CARD6: variants seen among roughly 807,000 people sequenced by gnomAD.
CARD6 encodes caspase recruitment domain-containing protein 6.
In CARD6, 27 loss-of-function variants were observed where a neutral mutation model predicts 23.6. That is an observed-to-expected ratio of 1.14 (90% CI 0.84 to 1.58). The LOEUF is 1.58. Among genes scored for constraint, CARD6 ranks in the 40% most tolerant of loss-of-function variants. The probability of loss-of-function intolerance (pLI) is 0.00; values close to 1 mark genes in which losing one functional copy is unlikely to be tolerated. For synonymous variants in CARD6, 397 were observed against 431.8 expected, an observed-to-expected ratio of 0.92 and a Z score of 1.00; for missense variants, 1,214 against 1,209.9, an observed-to-expected ratio of 1.00 and a Z score of -0.05.
At chr5:40,851,329 TA>T (rs771384945) in intron 2 of CARD6, among the ~76,000 whole-genome samples, 198 of 142,788 alleles carry the variant, frequency 1.4e-3, no homozygotes, top group Middle Eastern at 3.7e-3. Context: ...AGACTCCATC[TA>T]AAAAAAAAAA....
rs146597032 is a variant in CARD6, at chr5:40,853,837, G to C, written c.2505G>C (p.Met835Ile). 6.2e-7 allele frequency: 1 copy of C among 1,614,188 alleles called. No homozygotes were observed. Among genetic ancestry groups the C allele is most frequent in the Non-Finnish European group, 8.5e-7 (1 of 1,180,038 alleles). ...AGGCCTGCCCTGAGAGACCACAAAT[G>C]ATGGGAACTCTTGAAAGGTCTAGGG... ...HVQACPERPQ[M>I]MGTLERSRAV... The change falls in exon 3 of 3, where the codon ATG becomes ATC. Residue 835 changes from methionine to isoleucine, a missense_variant. Transcript: ENST00000254691.
intron 2 of CARD6, among the ~76,000 whole-genome samples, chr5:40,845,378 A>G (rs2112169459): frequency 6.6e-6 from 1 of 152,320 alleles, no homozygotes; most frequent in South Asian, 2.1e-4. Flanking sequence ...TAACATTATT[A>G]AAACTAATTA....
Position 40,853,342 on chromosome 5 carries a change from C to T in CARD6, c.2010C>T (p.Ser670=), listed in dbSNP as rs1746114093. The change falls in exon 3 of 3, where the codon TCC becomes TCT. Residue 670 remains serine (S), a synonymous_variant. Coordinates refer to ENST00000254691, the MANE Select transcript of CARD6 (RefSeq NM_032587.4). ...AAAACACTCAGAGAATTCAAGTTTC[C>T]TCTGGAGAAAACATGGCTGGGACAG... The part of the protein sequence containing the change: ...DFENTQRIQV[S]SGENMAGTAE... The T allele has an allele frequency of 6.2e-7, 1 of 1,614,142 alleles. No homozygotes were observed. The highest frequency in any genetic ancestry group is 8.5e-7 in the Non-Finnish European group (1 of 1,180,002).
At position 40,850,986 on chromosome 5, in the gene CARD6, A is replaced by G. The variant is rs1020767840; in HGVS notation, c.842-1188A>G. The stretch of plus-strand genomic sequence containing the variant: ...GAAATAATTTGCAAGGAATACCACT[A>G]AGTGAAAAGAAGCTGAAGAATCATT... On this transcript the variant is annotated intron_variant, in intron 2 of 2. Coordinates refer to ENST00000254691, the MANE Select transcript of CARD6 (RefSeq NM_032587.4). 3.9e-5 allele frequency among the ~76,000 whole-genome samples: 6 copies of G among 152,256 alleles called. No individual in the cohort carries two copies. In the East Asian group the frequency reaches 9.7e-4, roughly 25 times the overall value.
intron 2 of CARD6, among the ~76,000 whole-genome samples, chr5:40,850,430 A>AAAAAAAAG (rs1746044332): frequency 6.8e-6 from 1 of 146,810 alleles, no homozygotes; most frequent in Non-Finnish European, 1.5e-5. Flanking sequence ...AAAAAAAAAA[A>AAAAAAAAG]AAAGCCAGGC....
intron 2 of CARD6, among the ~76,000 whole-genome samples, chr5:40,846,246 CAG>C (rs1745965072): frequency 6.6e-6 from 1 of 152,000 alleles, no homozygotes; most frequent in South Asian, 2.1e-4. Context: ...CTCTTGACCT[CAG>C]GTGATCCACC....
At position 40,854,520 on chromosome 5, in the gene CARD6, T is replaced by G. The variant is rs1746155875; in HGVS notation, c.*74T>G. ...CCTATCATATAGTAAGCAGAAGAGTTGCCATGAAAGTAAAAGACTACTGTC... is the reference window on the plus strand; with the variant it reads ...CCTATCATATAGTAAGCAGAAGAGTGGCCATGAAAGTAAAAGACTACTGTC... On this transcript the variant is annotated 3_prime_UTR_variant, in exon 3 of 3. Coordinates refer to ENST00000254691, the MANE Select transcript of CARD6 (RefSeq NM_032587.4). 18 of 1,232,992 alleles carry G rather than the reference T, an allele frequency of 1.5e-5. No homozygotes were observed. The highest frequency in any genetic ancestry group is 2.1e-5 in the Non-Finnish European group (18 of 868,016). 76.4% of individuals were successfully genotyped at this position (1,232,992 alleles called of 1,614,324 possible). A position where few individuals can be genotyped will look rare whatever the true frequency, so the allele number is the denominator to read the frequency against.
At chr5:40,852,087 A>G in intron 2 of CARD6, 87 bp from the exon 3 acceptor site, 1 of 781,400 alleles carries the variant, frequency 1.3e-6, no homozygotes, top group East Asian at 2.6e-5. Flanking sequence ...AGCCTAGGTG[A>G]TGGAGTGAGA....
chr5:40,843,446 A>G lies in CARD6; in HGVS notation c.578A>G (p.Tyr193Cys). The stretch of plus-strand genomic sequence containing the variant: ...TGTGAAGTTCCAGCAACTATTACAT[A>G]TATAAAAGATGGACAGAGATATGAG... ...VGCEVPATIT[Y>C]IKDGQRYEEL... The change falls in exon 2 of 3, where the codon TAT (tyrosine) becomes TGT (cysteine). Residue 193 changes from tyrosine to cysteine, a missense_variant. Tyr to Cys is a radical substitution (Grantham distance 194). Coordinates refer to ENST00000254691, the MANE Select transcript of CARD6 (RefSeq NM_032587.4). 1 of 1,613,776 alleles carries G rather than the reference A, an allele frequency of 6.2e-7. No individual in the cohort carries two copies. The highest frequency in any genetic ancestry group is 1.1e-5 in the South Asian group (1 of 90,982).
rs1278053443 is a variant in CARD6 at position 40,852,274 on chromosome 5, A to T, written c.942A>T (p.Gly314=). 6.2e-7 allele frequency: 1 copy of T among 1,614,030 alleles called. No individual in the cohort carries two copies. The highest frequency in any genetic ancestry group is 8.5e-7 in the Non-Finnish European group (1 of 1,180,000). The change falls in exon 3 of 3, where the codon GGA becomes GGT. Residue 314 remains glycine (G), a synonymous_variant. Coordinates refer to ENST00000254691, the MANE Select transcript of CARD6 (RefSeq NM_032587.4). Reference sequence around the variant, plus strand: ...TTAAACAATTCTCCTTAGATCGAGGATGTAAGTGGACCCCTGAGAGTCCAG... The same window carrying T: ...TTAAACAATTCTCCTTAGATCGAGGTTGTAAGTGGACCCCTGAGAGTCCAG... The part of the protein sequence containing the change: ...DFVKQFSLDR[G]CKWTPESPGD...
chr5:40,845,841 T>C (rs1265763540), intron 2 of CARD6, among the ~76,000 whole-genome samples: 1 of 151,572 alleles, frequency 6.6e-6, no homozygotes, highest in Non-Finnish European at 1.5e-5. Context: ...ATCTGAAAAT[T>C]CAGTCACTTC....
rs773153473 is a variant in CARD6 at position 40,846,016 on chromosome 5, CT to C, written c.841+2321del. Among the ~76,000 whole-genome samples, 783 of 139,784 alleles carry C rather than the reference CT, an allele frequency of 5.6e-3. 5 individuals carry two copies. Among genetic ancestry groups the C allele is most frequent in the Middle Eastern group, 0.015 (4 of 270 alleles). 91.7% of individuals were successfully genotyped at this position (139,784 alleles called of 152,430 possible). A position where few individuals can be genotyped will look rare whatever the true frequency, so the allele number is the denominator to read the frequency against. On this transcript the variant is annotated intron_variant, in intron 2 of 2. Coordinates refer to ENST00000254691, the MANE Select transcript of CARD6 (RefSeq NM_032587.4). ...GTTTTCAGAATAGATGCAGTATATT[CT>C]TTTTTTTTTTTTTGAGATGGAGGCT...
At chr5:40,850,424 A>AAAAAAAAAC (rs1746043942) in intron 2 of CARD6, among the ~76,000 whole-genome samples, 1 of 145,882 alleles carries the variant, frequency 6.9e-6, no homozygotes, top group Non-Finnish European at 1.5e-5. Flanking sequence ...AAAAAAAAAA[A>AAAAAAAAAC]AAAAAAAAAG....
chr5:40,853,546 T>C lies in CARD6; in HGVS notation c.2214T>C (p.Ile738=). The C allele has an allele frequency of 6.2e-7, 1 of 1,614,204 alleles. No individual in the cohort carries two copies. The highest frequency in any genetic ancestry group is 1.1e-5 in the South Asian group (1 of 91,080). Reference sequence around the variant, plus strand: ...ACTCCTGGCTCTTTCCAACCAGAATTGGAGGTAACTTTAACCATGTTTCCT... The same window carrying C: ...ACTCCTGGCTCTTTCCAACCAGAATCGGAGGTAACTTTAACCATGTTTCCT... ...LENSWLFPTR[I]GGNFNHVSLK... The change falls in exon 3 of 3, where the codon ATT becomes ATC. Residue 738 remains isoleucine (I), a synonymous_variant. Transcript: ENST00000254691.
At chr5:40,848,417 T>C (rs995902284) in intron 2 of CARD6, among the ~76,000 whole-genome samples, 4 of 152,078 alleles carry the variant, frequency 2.6e-5, no homozygotes, top group Non-Finnish European at 5.9e-5. Flanking sequence ...GTTTTCACGA[T>C]GTTGCCCAGG....
Position 40,853,534 on chromosome 5 carries a change from T to C in CARD6, c.2202T>C (p.Phe734=), listed in dbSNP as rs1356649906. Residue 734 remains phenylalanine (F), a synonymous_variant, in exon 3 of 3, where the codon TTT becomes TTC. Coordinates refer to ENST00000254691, the MANE Select transcript of CARD6 (RefSeq NM_032587.4). ...FRPVLENSWL[F]PTRIGGNFNH... ...CTGTTCTAGAGAACTCCTGGCTCTT[T>C]CCAACCAGAATTGGAGGTAACTTTA... 1.9e-6 allele frequency: 3 copies of C among 1,614,224 alleles called. No individual in the cohort carries two copies. Among genetic ancestry groups the C allele is most frequent in the East Asian group, 2.2e-5 (1 of 44,886 alleles).
At chr5:40,851,460 A>C (rs908197897) in intron 2 of CARD6, among the ~76,000 whole-genome samples, 3 of 152,184 alleles carry the variant, frequency 2.0e-5, no homozygotes, top group African/African-American at 7.2e-5. Flanking sequence ...CTAAAAACGA[A>C]GCTGACTTGC....
intron 2 of CARD6, among the ~76,000 whole-genome samples, chr5:40,846,067 C>CAGT: frequency 6.6e-6 from 1 of 151,008 alleles, no homozygotes; most frequent in Middle Eastern, 3.4e-3. Flanking sequence ...GGCTGGAGTG[C>CAGT]AGTGGCATGA....
In CARD6 at chr5:40,852,612, T is replaced by C. The variant is rs151076474; in HGVS notation, c.1280T>C (p.Ile427Thr). 87 of 1,614,126 alleles carry C rather than the reference T, an allele frequency of 5.4e-5. No individual in the cohort carries two copies. In the African/African-American group the frequency reaches 9.9e-4, roughly 18 times the overall value. ...TTAATGCTGGGGGCCATGAAAGACATTGTGAAGAAGCAGTCAACACAGTTT... is the reference window on the plus strand; with the variant it reads ...TTAATGCTGGGGGCCATGAAAGACACTGTGAAGAAGCAGTCAACACAGTTT... ...SILMLGAMKDIVKKQSTQFSG... is the reference protein window; with the variant it reads ...SILMLGAMKDTVKKQSTQFSG... The change falls in exon 3 of 3, where the codon ATT becomes ACT. Residue 427 changes from isoleucine (I) to threonine (T), a missense_variant. Ile to Thr is a moderately conservative substitution (Grantham distance 89). Transcript: ENST00000254691.
Sources: allele counts gnomAD v4.1 joint callset (sites outside exome capture counted in the v4.1 genomes callset), GRCh38; gene constraint gnomAD v4.1.1; transcripts MANE v1.5; gene names NCBI Gene and HGNC (gene_info 2026-07-23, HGNC 2026-07-21).